Variants in NCAPG2 observed in about 807,000 individuals in gnomAD.
NCAPG2 encodes the protein condensin-2 complex subunit G2.
Under a neutral mutation model 141.1 loss-of-function variants are expected in NCAPG2, and 53 were observed. The ratio of observed to expected loss-of-function variants is 0.38; its 90% CI spans 0.30 to 0.47. The LOEUF (loss-of-function observed/expected upper bound fraction) is 0.47, where lower values mean the gene tolerates loss of function less well. NCAPG2 is among the 20% of genes least tolerant of loss of function. The probability of loss-of-function intolerance (pLI) is 0.99; values close to 1 mark genes in which losing one functional copy is unlikely to be tolerated. For synonymous variants in NCAPG2, 499 were observed against 490.7 expected (o/e 1.02, Z -0.22); for missense variants, 1,087 against 1,389.0 (o/e 0.78, Z 3.46).
At chr7:158,696,137 A>G (rs1224790398) in intron 2 of NCAPG2, 2 of 152,292 alleles carry the variant, frequency 1.3e-5, no homozygotes, top group Non-Finnish European at 2.9e-5. Flanking sequence ...TTGGGGACAC[A>G]TGCCTGTGCT....
chr7:158,702,984 C>A (rs180922342), intron 1 of NCAPG2, among the ~76,000 whole-genome samples: 1 of 152,320 alleles, frequency 6.6e-6, no homozygotes, highest in East Asian at 1.9e-4. Context: ...TGTGCTTTTT[C>A]TATGCTTAGA....
At chr7:158,687,721 C>T (rs1834861206) in intron 6 of NCAPG2, among the ~76,000 whole-genome samples, 1 of 152,180 alleles carries the variant, frequency 6.6e-6, no homozygotes, top group African/African-American at 2.4e-5. Context: ...AGACAGTAAC[C>T]ATGGGTCCAT....
intron 1 of NCAPG2, 23 bp from the exon 2 acceptor site, chr7:158,701,961 T>G (rs1563588684): frequency 2.3e-6 from 3 of 1,321,628 alleles, no homozygotes; most frequent in Non-Finnish European, 3.2e-6. Flanking sequence ...ACAATCATAC[T>G]GAAACACTTG....
Position 158,683,362 on chromosome 7 carries a change from C to A in NCAPG2, c.862G>T (p.Asp288Tyr). The A allele has an allele frequency of 6.2e-7, 1 of 1,605,628 alleles. No homozygotes were observed. Among genetic ancestry groups the A allele is most frequent in the East Asian group, 2.3e-5 (1 of 44,118 alleles). Residue 288 changes from aspartate (D) to tyrosine (Y), a missense_variant, in exon 9 of 28, where the codon GAC becomes TAC. Asp to Tyr is a radical substitution (Grantham distance 160, BLOSUM62 -3). Transcript: ENST00000356309. ...LEAIENDCIQ[D>Y]FMFHGIHLPR... Reference sequence around the variant, plus strand: ...AGGTGTATCCCGTGGAACATGAAGTCCTGGATGCAATCATTTTCAATCGCC... The same window carrying A: ...AGGTGTATCCCGTGGAACATGAAGTACTGGATGCAATCATTTTCAATCGCC...
intron 2 of NCAPG2, among the ~76,000 whole-genome samples, chr7:158,694,304 A>G (rs1356902074): frequency 1.3e-5 from 2 of 152,226 alleles, no homozygotes; most frequent in African/African-American, 4.8e-5. Flanking sequence ...CAGTGAATAA[A>G]CATAGATGCA....
At chr7:158,650,219 G>A (rs936728104) in intron 24 of NCAPG2, among the ~76,000 whole-genome samples, 2 of 152,094 alleles carry the variant, frequency 1.3e-5, no homozygotes, top group African/African-American at 4.8e-5. Flanking sequence ...CTAATTTTTT[G>A]TATCTTTAGT....
Position 158,671,298 on chromosome 7 carries a change from A to G in NCAPG2, c.1479+216T>C, listed in dbSNP as rs546406818. 3.3e-5 allele frequency among the ~76,000 whole-genome samples: 5 copies of G among 152,370 alleles called. No individual in the cohort carries two copies. In the South Asian group the frequency reaches 1.0e-3, roughly 32 times the overall value. On this transcript the variant is annotated intron_variant, in intron 13 of 27. Transcript: ENST00000356309. Reference sequence around the variant, plus strand: ...ACATGACGAAAATACAATGGAAGGCAGGGGTGCTTACATTAATGTCTTTCA... The same window carrying G: ...ACATGACGAAAATACAATGGAAGGCGGGGGTGCTTACATTAATGTCTTTCA...
rs1587259991 is a variant in NCAPG2, at chr7:158,682,815, T to C, written c.924+485A>G. On this transcript the variant is annotated intron_variant, in intron 9 of 27. Coordinates refer to ENST00000356309, the MANE Select transcript of NCAPG2 (RefSeq NM_017760.7). The stretch of plus-strand genomic sequence containing the variant: ...GATAGAATCTTATCTAGTCAGTCCA[T>C]TTACAATTATTAATATAAAGGTAAA... 2.0e-5 allele frequency among the ~76,000 whole-genome samples: 3 copies of C among 152,202 alleles called. No individual in the cohort carries two copies. In the East Asian group the frequency reaches 5.8e-4, roughly 29 times the overall value.
At chr7:158,696,837 G>T (rs1417921858) in intron 2 of NCAPG2, among the ~76,000 whole-genome samples, 5 of 152,080 alleles carry the variant, frequency 3.3e-5, no homozygotes, top group African/African-American at 1.2e-4. Flanking sequence ...TCTCTGCATG[G>T]CCCATTTGGA....
chr7:158,687,318 C>T, intron 7 of NCAPG2, 30 bp downstream of exon 7: 2 of 1,497,640 alleles, frequency 1.3e-6, no homozygotes, highest in South Asian at 1.2e-5. Context: ...ATTAAGACAG[C>T]ACAAAATCTT....
At chr7:158,662,715 TCA>T (rs1832609969) in intron 15 of NCAPG2, among the ~76,000 whole-genome samples, 1 of 152,154 alleles carries the variant, frequency 6.6e-6, no homozygotes, top group Non-Finnish European at 1.5e-5. Flanking sequence ...TTAAAAGACA[TCA>T]CTTTTCACCA....
chr7:158,643,506 A>G (rs1830785558), intron 27 of NCAPG2, among the ~76,000 whole-genome samples: 1 of 152,224 alleles, frequency 6.6e-6, no homozygotes, highest in Non-Finnish European at 1.5e-5. Context: ...TGAAGTGAGC[A>G]TTAAGTGTAT....
chr7:158,684,201 A>G (rs1834617324), intron 8 of NCAPG2, among the ~76,000 whole-genome samples: 1 of 152,252 alleles, frequency 6.6e-6, no homozygotes, highest in Admixed American at 6.5e-5. Context: ...ACTTGCAATG[A>G]AAGATGAGAT....
rs1280188390 is a variant in NCAPG2, at chr7:158,667,779, CT to C, written c.1480-3030del. On this transcript the variant is annotated intron_variant, in intron 13 of 27. Transcript: ENST00000356309. ...TTACCCACTACTGGGTCCCTCCGCC[CT>C]CCCTTACCCACTACTGGGTCCCTCC... Among the ~76,000 whole-genome samples, 72 of 55,616 alleles carry C rather than the reference CT, an allele frequency of 1.3e-3. 7 individuals carry two copies. The highest frequency in any genetic ancestry group is 1.8e-3 in the Non-Finnish European group (52 of 28,620). The allele number at this position is 55,616 out of a possible 152,430, so 36.5% of individuals were successfully genotyped here. A position where few individuals can be genotyped will look rare whatever the true frequency, so the allele number is the denominator to read the frequency against.
chr7:158,644,199 A>C lies in NCAPG2; in HGVS notation c.3380+90T>G. The C allele has an allele frequency of 9.1e-6, 10 of 1,094,188 alleles. No homozygotes were observed. The South Asian group carries it at 1.3e-4, about 15-fold the overall frequency. The allele number at this position is 1,094,188 out of a possible 1,614,324, so 67.8% of individuals were successfully genotyped here. A position where few individuals can be genotyped will look rare whatever the true frequency, so the allele number is the denominator to read the frequency against. On this transcript the variant is annotated intron_variant, in intron 27 of 27. Coordinates refer to ENST00000356309, the MANE Select transcript of NCAPG2 (RefSeq NM_017760.7). ...CCAGTCTCCTAACCACCTGGGTGTA[A>C]GTAGCAGAAATGAAAATACAACCTC...
intron 16 of NCAPG2, among the ~76,000 whole-genome samples, chr7:158,659,687 AATG>A (rs1328700335): frequency 6.6e-6 from 1 of 152,076 alleles, no homozygotes; most frequent in African/African-American, 2.4e-5. Context: ...ATCCTAAAAT[AATG>A]ATAATAATAA....
At chr7:158,663,716 C>T (rs912189476) in intron 15 of NCAPG2, among the ~76,000 whole-genome samples, 3 of 152,246 alleles carry the variant, frequency 2.0e-5, no homozygotes, top group African/African-American at 4.8e-5. Context: ...TTTAGACGTC[C>T]ACAAGCACAG....
intron 13 of NCAPG2, among the ~76,000 whole-genome samples, chr7:158,667,994 T>A (rs1417280007): frequency 4.1e-4 from 1 of 2,412 alleles, no homozygotes; most frequent in Non-Finnish European, 6.5e-4. Context: ...CCTTACCCAC[T>A]ACTGGGTCCC....
intron 5 of NCAPG2, 63 bp from the exon 6 acceptor site, chr7:158,690,016 A>C: frequency 7.8e-7 from 1 of 1,278,514 alleles, no homozygotes; most frequent in African/African-American, 1.6e-5. Flanking sequence ...ATTTCAAATC[A>C]AGTATATTTT....
Sources: gnomAD v4.1 joint callset for allele counts (sites outside exome capture counted in the v4.1 genomes callset) on GRCh38, gnomAD v4.1.1 for gene constraint, MANE v1.5 for transcripts, NCBI Gene and HGNC (gene_info 2026-07-23, HGNC 2026-07-21) for gene names.